The following RGSL1 variants were observed in gnomAD, a reference collection of about 807,000 sequenced individuals.
RGSL1 encodes regulator of G protein signaling like 1.
RGSL1 carries 97 observed loss-of-function variants against 124.7 expected under a neutral mutation model. The ratio of observed to expected loss-of-function variants is 0.78; its 90% CI spans 0.66 to 0.92. The LOEUF (loss-of-function observed/expected upper bound fraction) is 0.92. Among genes scored for constraint, RGSL1 ranks in the 40% least tolerant of loss-of-function variants. The probability of loss-of-function intolerance (pLI) is 0.00; values close to 1 mark genes in which losing one functional copy is unlikely to be tolerated. For missense variants in RGSL1, 1,233 were observed against 1,288.4 expected, an observed-to-expected ratio of 0.96 and a Z score of 0.66; for synonymous variants, 424 against 438.1, an observed-to-expected ratio of 0.97 and a Z score of 0.40.
At chr1:182,521,872 C>G in intron 9 of RGSL1, 132 bp from the exon 10 acceptor site, 1 of 618,200 alleles carries the variant, frequency 1.6e-6, no homozygotes, top group Non-Finnish European at 2.8e-6. Context: ...ATGAACTTAA[C>G]CTGAGATGGC....
chr1:182,515,217 T>G (rs930784258), intron 9 of RGSL1, among the ~76,000 whole-genome samples: 1 of 152,180 alleles, frequency 6.6e-6, no homozygotes, highest in Non-Finnish European at 1.5e-5. Context: ...AACTTTGCGT[T>G]CCCTGGGCCT....
chr1:182,472,313 G>T, intron 4 of RGSL1, 83 bp from the exon 5 acceptor site: 1 of 1,263,212 alleles, frequency 7.9e-7, no homozygotes, highest in Non-Finnish European at 1.1e-6. Flanking sequence ...GCTGGTGGGG[G>T]ATGTCAGTTG....
intron 4 of RGSL1, among the ~76,000 whole-genome samples, chr1:182,465,244 A>T (rs1434244289): frequency 6.6e-6 from 1 of 152,172 alleles, no homozygotes; most frequent in Non-Finnish European, 1.5e-5. Context: ...CTAAATCAAA[A>T]GATATAGAAA....
chr1:182,508,672 GT>G (rs869237122), intron 9 of RGSL1, among the ~76,000 whole-genome samples: 2,764 of 13,990 alleles, frequency 0.2, 68 homozygotes, highest in African/African-American at 0.34. Context: ...TTGACTATTT[GT>G]TTTTTTTTTT....
At chr1:182,478,003 C>T (rs1313007608) in intron 6 of RGSL1, among the ~76,000 whole-genome samples, 1 of 152,148 alleles carries the variant, frequency 6.6e-6, no homozygotes, top group Non-Finnish European at 1.5e-5. Context: ...CCATAAACTG[C>T]TTGACCAAAT....
intron 14 of RGSL1, 101 bp from the exon 15 acceptor site, chr1:182,540,146 G>A: frequency 8.4e-7 from 1 of 1,194,854 alleles, no homozygotes; most frequent in Non-Finnish European, 1.1e-6. Context: ...AGGCCAAAAG[G>A]ATGGATCCAC....
intron 1 of RGSL1, among the ~76,000 whole-genome samples, chr1:182,450,846 C>T (rs1472510826): frequency 6.6e-6 from 1 of 152,070 alleles, no homozygotes; most frequent in Non-Finnish European, 1.5e-5. Context: ...AACAAAAGTC[C>T]AAAAGATTGA....
chr1:182,519,818 CTT>C (rs1658192675), intron 9 of RGSL1, among the ~76,000 whole-genome samples: 2 of 152,162 alleles, frequency 1.3e-5, no homozygotes, highest in South Asian at 4.1e-4. Flanking sequence ...ACAATTTTCT[CTT>C]TAGTTGTGTA....
chr1:182,517,049 G>A (rs1178545057), intron 9 of RGSL1, among the ~76,000 whole-genome samples: 3 of 151,946 alleles, frequency 2.0e-5, no homozygotes, highest in Admixed American at 1.3e-4. Flanking sequence ...TGTAAAATGA[G>A]TCTAGTGTTG....
In RGSL1 at chr1:182,511,408, C is replaced by G. The variant is rs554871329; in HGVS notation, c.1826-10596C>G. Among the ~76,000 whole-genome samples, 32 of 152,298 alleles carry G rather than the reference C, an allele frequency of 2.1e-4. 1 individual carries two copies. The South Asian group carries it at 2.3e-3, about 11-fold the overall frequency. The stretch of plus-strand genomic sequence containing the variant: ...CAAACTCCCGACCTCAGGTGATCTG[C>G]CCGTCTCGGCTTCCCTAAGAGCTGG... On this transcript the variant is annotated intron_variant, in intron 9 of 21. Coordinates refer to ENST00000294854, the MANE Select transcript of RGSL1 (RefSeq NM_001137669.2).
Position 182,473,654 on chromosome 1 carries a change from G to T in RGSL1, c.543G>T (p.Val181=), listed in dbSNP as rs754072117. The change falls in exon 6 of 22, where the codon GTG becomes GTT. Residue 181 remains valine (V), a synonymous_variant. Transcript: ENST00000294854. ...AGATCCTGAGCCACATGCAGAAAGT[G>T]GCTCTGTTCAAACTCCAGAGCTATT... is the stretch of plus-strand genomic sequence containing the variant. ...RREILSHMQK[V]ALFKLQSYWL... 6.4e-7 allele frequency: 1 copy of T among 1,551,704 alleles called. No individual in the cohort carries two copies. Among genetic ancestry groups the T allele is most frequent in the South Asian group, 1.2e-5 (1 of 84,058 alleles).
At chr1:182,501,325 T>C (rs1656367011) in intron 9 of RGSL1, among the ~76,000 whole-genome samples, 1 of 119,074 alleles carries the variant, frequency 8.4e-6, no homozygotes, top group African/African-American at 3.6e-5. Context: ...TTTTTTTTTT[T>C]TTTTTTTTTT....
intron 20 of RGSL1, 103 bp from the exon 21 acceptor site, chr1:182,555,921 C>A: frequency 2.0e-6 from 2 of 1,020,744 alleles, no homozygotes; most frequent in Non-Finnish European, 3.0e-6. Context: ...TCAGTTTTGG[C>A]TATTGCCATT....
At chr1:182,502,101 AT>A (rs1225237197) in intron 9 of RGSL1, among the ~76,000 whole-genome samples, 1 of 152,186 alleles carries the variant, frequency 6.6e-6, no homozygotes, top group Non-Finnish European at 1.5e-5. Flanking sequence ...GATGTTAATA[AT>A]TTAATTCTTT....
intron 15 of RGSL1, among the ~76,000 whole-genome samples, chr1:182,542,443 AC>A (rs936373155): frequency 6.6e-6 from 1 of 152,170 alleles, no homozygotes; most frequent in African/African-American, 2.4e-5. Context: ...TTATGCCAGC[AC>A]CATGCTGATT....
At chr1:182,461,050 C>T (rs975033881) in intron 4 of RGSL1, among the ~76,000 whole-genome samples, 8 of 152,128 alleles carry the variant, frequency 5.3e-5, no homozygotes, top group African/African-American at 1.4e-4. Flanking sequence ...TTATACTTTC[C>T]CTTTGTTGTA....
intron 14 of RGSL1, among the ~76,000 whole-genome samples, chr1:182,535,067 C>A (rs1381635535): frequency 6.6e-6 from 1 of 152,038 alleles, no homozygotes. Context: ...GGTCTAAGTT[C>A]TTTTATTTGA....
At chr1:182,556,824 GA>G (rs907251798) in intron 21 of RGSL1, among the ~76,000 whole-genome samples, 54 of 148,938 alleles carry the variant, frequency 3.6e-4, no homozygotes, top group East Asian at 1.4e-3. Context: ...TCTCCTTTGA[GA>G]AAAAAAAAAT....
At chr1:182,534,814 G>A (rs1331449369) in intron 14 of RGSL1, among the ~76,000 whole-genome samples, 29 of 151,124 alleles carry the variant, frequency 1.9e-4, no homozygotes, top group Non-Finnish European at 1.9e-4. Context: ...GTGACAGAGC[G>A]AGACTCCATC....
Sources: gnomAD v4.1 joint callset for allele counts (sites outside exome capture counted in the v4.1 genomes callset) on GRCh38, gnomAD v4.1.1 for gene constraint, MANE v1.5 for transcripts, NCBI Gene and HGNC (gene_info 2026-07-23, HGNC 2026-07-21) for gene names.